Variants in KIFC2 observed in about 807,000 individuals in gnomAD.
The protein encoded by KIFC2 is kinesin-like protein KIFC2.
Under a neutral mutation model 91.5 loss-of-function variants are expected in KIFC2, and 94 were observed. The ratio of observed to expected loss-of-function variants is 1.03; its 90% confidence interval spans 0.87 to 1.22. The LOEUF is 1.22. KIFC2 is among the 50% of genes most tolerant of loss of function. The pLI is 0.00. For missense variants in KIFC2, 1,357 were observed against 1,103.3 expected, an observed-to-expected ratio of 1.23 and a Z score of -3.26; for synonymous variants, 729 against 503.9, an observed-to-expected ratio of 1.45 and a Z score of -5.98.
chr8:144,469,519 C>T lies in KIFC2; in HGVS notation c.1252C>T (p.Pro418Ser), dbSNP rs1824841609. 3 of 1,614,004 alleles carry T rather than the reference C, an allele frequency of 1.9e-6. No individual in the cohort carries two copies. Among genetic ancestry groups the T allele is most frequent in the Non-Finnish European group, 1.7e-6 (2 of 1,180,016 alleles). Residue 418 changes from proline (P) to serine (S), a missense_variant, in exon 12 of 18, where the codon CCA (proline) becomes TCA (serine). Coordinates refer to ENST00000645548, the MANE Select transcript of KIFC2 (RefSeq NM_001369769.2). ...GNIRVLCRLR[P>S]GTSSSLVSVE... is the part of the protein sequence containing the mutation. ...TATCCGTGTGCTGTGTCGGCTGAGG[C>T]CAGGGACATCTTCTAGCCTTGTGAG...
rs1402264187 is a variant in KIFC2, at chr8:144,471,954, C to T, written c.1393C>T (p.Leu465=). ...CCGCCTCCCGCAGGTCTTCAGAGAG[C>T]TGGAACCTGCGGTGCTGTCCTGCCT... The part of the protein sequence containing the change: ...DASQEEVFRE[L]EPAVLSCLRG... Residue 465 remains leucine (L), a synonymous_variant, in exon 13 of 18, where the codon CTG becomes TTG. Coordinates refer to ENST00000645548, the MANE Select transcript of KIFC2 (RefSeq NM_001369769.2). The T allele has an allele frequency of 6.2e-7, 1 of 1,613,316 alleles. No homozygotes were observed. The highest frequency in any genetic ancestry group is 1.1e-5 in the South Asian group (1 of 91,092).
In KIFC2 at chr8:144,467,968, C is replaced by A. The variant is rs751994520; in HGVS notation, c.791C>A (p.Pro264His). ...CTCCTGCTGCACTGGGGCCCCGGGC[C>A]CCCCATCAGGGCTCCGCAGGTACTC... ...RDLLLHWGPG[P>H]PIRAPQEEAE... Residue 264 changes from proline to histidine, a missense_variant, in exon 7 of 18, where the codon CCC becomes CAC. Physicochemically the swap from Pro to His is moderately conservative, Grantham distance 77. Coordinates refer to ENST00000645548, the MANE Select transcript of KIFC2 (RefSeq NM_001369769.2). 7.6e-6 allele frequency: 12 copies of A among 1,581,426 alleles called. No homozygotes were observed. The Admixed American group carries it at 2.0e-4, about 26-fold the overall frequency.
chr8:144,472,644 C>T lies in KIFC2; in HGVS notation c.1799C>T (p.Ser600Leu), dbSNP rs2130020522. 3.7e-6 allele frequency: 6 copies of T among 1,601,422 alleles called. No individual in the cohort carries two copies. Among genetic ancestry groups the T allele is most frequent in the Non-Finnish European group, 3.4e-6 (4 of 1,179,486 alleles). ...ATAMNQRSSR[S>L]HALVTLTLRA... The stretch of plus-strand genomic sequence containing the variant: ...GCCATGAACCAGCGCAGCTCCCGCT[C>T]GCATGCCCTGGTCACGCTGACGCTG... The change falls in exon 16 of 18, where the codon TCG becomes TTG. Residue 600 changes from serine (S) to leucine (L), a missense_variant. By Grantham distance (145) the Ser-to-Leu change is moderately radical (BLOSUM62 -2). Transcript: ENST00000645548.
Position 144,466,939 on chromosome 8 carries a change from C to G in KIFC2, c.179-20C>G. ...AGCACGTGACCCGAAATGTCTCCCG[C>G]CCTCCTCCCTGACCGGCAGCCAGCT... On this transcript the variant is annotated intron_variant, in intron 2 of 17. Transcript: ENST00000645548. 1 of 1,584,556 alleles carries G rather than the reference C, an allele frequency of 6.3e-7. No homozygotes were observed. Among genetic ancestry groups the G allele is most frequent in the Non-Finnish European group, 8.5e-7 (1 of 1,173,090 alleles).
In KIFC2 at chr8:144,467,222, T is replaced by C. The variant is rs1824698596; in HGVS notation, c.350T>C (p.Leu117Pro). The C allele has an allele frequency of 6.2e-7, 1 of 1,613,682 alleles. No individual in the cohort carries two copies. ...DLGQSGEVPS[L>P]LTVTSQLLAL... ...TCGCAGTCTGGCGAGGTCCCCTCAC[T>C]GTTGACAGTGACCAGTCAGCTCTTG... The change falls in exon 4 of 18, where the codon CTG becomes CCG. Residue 117 changes from leucine to proline, a missense_variant. Coordinates refer to ENST00000645548, the MANE Select transcript of KIFC2 (RefSeq NM_001369769.2).
chr8:144,467,273 C>G lies in KIFC2; in HGVS notation c.401C>G (p.Pro134Arg). ...GCCCTTCTGGCATGGCTTCGAAGCC[C>G]CAGGGGGAGGCAGGCCCTGCTCCAG... Reference protein sequence around the residue: ...LLALLAWLRSPRGRQALLQGT... With the variant: ...LLALLAWLRSRRGRQALLQGT... Residue 134 changes from proline (P) to arginine (R), a missense_variant, in exon 4 of 18, where the codon CCC becomes CGC. Pro to Arg is a moderately radical substitution (Grantham distance 103). Coordinates refer to ENST00000645548, the MANE Select transcript of KIFC2 (RefSeq NM_001369769.2). 1 of 1,613,484 alleles carries G rather than the reference C, an allele frequency of 6.2e-7. No homozygotes were observed. Among genetic ancestry groups the G allele is most frequent in the Non-Finnish European group, 8.5e-7 (1 of 1,180,004 alleles).
At position 144,470,383 on chromosome 8, in the gene KIFC2, C is replaced by T. The variant is rs1030567967; in HGVS notation, c.1380+736C>T. 4.6e-5 allele frequency among the ~76,000 whole-genome samples: 7 copies of T among 152,378 alleles called. No individual in the cohort carries two copies. The South Asian group carries it at 1.4e-3, about 32-fold the overall frequency. Reference sequence around the variant, plus strand: ...GTGCACCGTCCTCTGGACAGCCGTCCTGGACAGGGTCCTCTCAGTCAATGT... The same window carrying T: ...GTGCACCGTCCTCTGGACAGCCGTCTTGGACAGGGTCCTCTCAGTCAATGT... On this transcript the variant is annotated intron_variant, in intron 12 of 17. Transcript: ENST00000645548.
chr8:144,473,490 T>C lies in KIFC2; in HGVS notation c.*101T>C, dbSNP rs1254043360. ...CCCGTCTCCCAGGGCACAAGCTCCC[T>C]AGCCTCTTTGGATCCATTGCCCCTG... On this transcript the variant is annotated 3_prime_UTR_variant, in exon 18 of 18. Transcript: ENST00000645548. 2.3e-5 allele frequency: 33 copies of C among 1,433,468 alleles called. No individual in the cohort carries two copies. Among genetic ancestry groups the C allele is most frequent in the Non-Finnish European group, 3.0e-5 (33 of 1,095,766 alleles). The allele number at this position is 1,433,468 out of a possible 1,614,324, so 88.8% of individuals were successfully genotyped here. A position where few individuals can be genotyped will look rare whatever the true frequency, so the allele number is the denominator to read the frequency against.
At position 144,472,893 on chromosome 8, in the gene KIFC2, CG is replaced by C; in HGVS notation, c.1963del (p.Glu655ArgfsTer5). On this transcript the variant is annotated frameshift_variant, in exon 17 of 18. Transcript: ENST00000645548. LOFTEE classifies it high-confidence loss of function. ...RGDPDGARRL[R>X]EAQTINRSLL... ...AGACCCAGACGGCGCCCGGCGCCTGCGGGAGGCCCAGACCATAAACCGCTCG... is the reference window on the plus strand; with the variant it reads ...AGACCCAGACGGCGCCCGGCGCCTGCGGAGGCCCAGACCATAAACCGCTCG... 1 of 1,519,210 alleles carries C rather than the reference CG, an allele frequency of 6.6e-7. No individual in the cohort carries two copies. The highest frequency in any genetic ancestry group is 8.7e-7 in the Non-Finnish European group (1 of 1,148,038). 94.1% of individuals were successfully genotyped at this position (1,519,210 alleles called of 1,614,324 possible). A position where few individuals can be genotyped will look rare whatever the true frequency, so the allele number is the denominator to read the frequency against.
At position 144,472,348 on chromosome 8, in the gene KIFC2, C is replaced by T; in HGVS notation, c.1608-13C>T. 3 of 1,613,512 alleles carry T rather than the reference C, an allele frequency of 1.9e-6. No individual in the cohort carries two copies. The highest frequency in any genetic ancestry group is 2.5e-6 in the Non-Finnish European group (3 of 1,180,000). On this transcript the variant is annotated splice_polypyrimidine_tract_variant and intron_variant, in intron 14 of 17. Coordinates refer to ENST00000645548, the MANE Select transcript of KIFC2 (RefSeq NM_001369769.2). Reference sequence around the variant, plus strand: ...GAGAATTCTGGAACCAAGACCTTCCCCTTTCTCACCAGGGACCTCCTTGCT... The same window carrying T: ...GAGAATTCTGGAACCAAGACCTTCCTCTTTCTCACCAGGGACCTCCTTGCT...
chr8:144,472,413 G>T lies in KIFC2; in HGVS notation c.1660G>T (p.Glu554Ter). The T allele has an allele frequency of 6.2e-7, 1 of 1,613,072 alleles. No individual in the cohort carries two copies. The highest frequency in any genetic ancestry group is 8.5e-7 in the Non-Finnish European group (1 of 1,179,860). ...PERLAVRQGP[E>*]GQGGIQVAGL... is the part of the protein sequence containing the mutation. ...GCGCCTGGCCGTGAGGCAGGGCCCA[G>T]AAGGCCAGGGCGGGATCCAGGTGGC... The change falls in exon 15 of 18, where the codon GAA (glutamate) becomes TAA (stop). Residue 554 changes from glutamate (E) to a stop codon, truncating the protein, a stop_gained. Coordinates refer to ENST00000645548, the MANE Select transcript of KIFC2 (RefSeq NM_001369769.2). LOFTEE classifies it high-confidence loss of function.
rs373508115 is a variant in KIFC2, at chr8:144,473,405, C to T, written c.*16C>T. The T allele has an allele frequency of 8.3e-6, 13 of 1,571,526 alleles. No homozygotes were observed. Among genetic ancestry groups the T allele is most frequent in the Middle Eastern group, 1.7e-4 (1 of 6,002 alleles). Reference sequence around the variant, plus strand: ...GCCCCTCTAGTCCTGGGTCGCGGCCCTGCCCATGGGGTCTCAGGCCAGGTC... The same window carrying T: ...GCCCCTCTAGTCCTGGGTCGCGGCCTTGCCCATGGGGTCTCAGGCCAGGTC... On this transcript the variant is annotated 3_prime_UTR_variant, in exon 18 of 18. Transcript: ENST00000645548.
chr8:144,467,957 G>A lies in KIFC2; in HGVS notation c.780G>A (p.Trp260Ter). 6.3e-7 allele frequency: 1 copy of A among 1,587,952 alleles called. No homozygotes were observed. The highest frequency in any genetic ancestry group is 8.5e-7 in the Non-Finnish European group (1 of 1,171,486). ...TCATGCGGGACCTCCTGCTGCACTG[G>A]GGCCCCGGGCCCCCCATCAGGGCTC... ...LSLMRDLLLHWGPGPPIRAPQ... is the reference protein window; with the variant it reads ...LSLMRDLLLH The change falls in exon 7 of 18, where the codon TGG becomes TGA. Residue 260 changes from tryptophan to a stop codon, truncating the protein, a stop_gained. Transcript: ENST00000645548. LOFTEE classifies it high-confidence loss of function.
At position 144,466,407 on chromosome 8, in the gene KIFC2, GC is replaced by G; in HGVS notation, c.-9del. ...GCGGCGCGAAGCGGGGCCCTCTGCC[GC>G]CCCGCGCTCCCATGTACGCCTTTTA... is the stretch of plus-strand genomic sequence containing the variant. On this transcript the variant is annotated 5_prime_UTR_variant, in exon 1 of 18. Coordinates refer to ENST00000645548, the MANE Select transcript of KIFC2 (RefSeq NM_001369769.2). 1 of 1,237,188 alleles carries G rather than the reference GC, an allele frequency of 8.1e-7. No homozygotes were observed. 76.6% of individuals were successfully genotyped at this position (1,237,188 alleles called of 1,614,324 possible).
At chr8:144,467,423 C>A in intron 4 of KIFC2, 62 bp from the exon 5 acceptor site, 1 of 1,541,984 alleles carries the variant, frequency 6.5e-7, no homozygotes, top group South Asian at 1.3e-5. Context: ...AGTTCGGGGT[C>A]ATGTTCCGGA....
Position 144,468,415 on chromosome 8 carries a change from G to A in KIFC2, c.888+9G>A, listed in dbSNP as rs1824781227. On this transcript the variant is annotated intron_variant, in intron 8 of 17. Coordinates refer to ENST00000645548, the MANE Select transcript of KIFC2 (RefSeq NM_001369769.2). Reference sequence around the variant, plus strand: ...AAGCCCTCCGAGCCCAGGTGGGCATGGGGCCCAGGGATCCATGGCTCAGGG... The same window carrying A: ...AAGCCCTCCGAGCCCAGGTGGGCATAGGGCCCAGGGATCCATGGCTCAGGG... The A allele has an allele frequency of 6.2e-7, 1 of 1,611,956 alleles. No homozygotes were observed.
chr8:144,468,465 G>C, intron 8 of KIFC2, 59 bp downstream of exon 8: 2 of 1,587,030 alleles, frequency 1.3e-6, no homozygotes, highest in East Asian at 2.3e-5. Flanking sequence ...GGTTTTGGGA[G>C]GGGCTTATCT....
At chr8:144,469,752 G>A (rs2130000261) in intron 12 of KIFC2, 105 bp downstream of exon 12, 1 of 1,384,006 alleles carries the variant, frequency 7.2e-7, no homozygotes, top group Non-Finnish European at 9.7e-7. Flanking sequence ...ACCTGGAGGA[G>A]AGAGGGTGGC....
chr8:144,466,540 G>A, intron 1 of KIFC2, 22 bp downstream of exon 1: 1 of 1,170,486 alleles, frequency 8.5e-7, no homozygotes, highest in Non-Finnish European at 1.1e-6. Context: ...TGGCCGTGCA[G>A]CCCGTCGTCT....
Sources: allele counts gnomAD v4.1 joint callset (sites outside exome capture counted in the v4.1 genomes callset), GRCh38; gene constraint gnomAD v4.1.1; transcripts MANE v1.5; gene names NCBI Gene and HGNC (gene_info 2026-07-23, HGNC 2026-07-21).